The following DIAPH2 variants were observed in gnomAD, a reference collection of about 807,000 sequenced individuals.
DIAPH2 encodes the protein protein diaphanous homolog 2.
In DIAPH2, 35 loss-of-function variants were observed where a neutral mutation model predicts 92.7. The observed-to-expected ratio is 0.38, with a 90% CI of 0.29 to 0.50. The LOEUF is 0.50. DIAPH2 is among the 20% of genes least tolerant of loss of function. The probability of loss-of-function intolerance (pLI) is 0.94; values close to 1 mark genes in which losing one functional copy is unlikely to be tolerated. For missense variants in DIAPH2, 701 were observed against 819.5 expected (o/e 0.86, Z 1.77); for synonymous variants, 301 against 280.4 (o/e 1.07, Z -0.73).
intron 5 of DIAPH2, chrX:96,885,203 T>A: frequency 1.5e-6 from 1 of 649,386 alleles, no homozygotes; most frequent in Non-Finnish European, 2.3e-6. Flanking sequence ...AAATCTCAAG[T>A]GGCATTCTTT....
intron 25 of DIAPH2, among the ~76,000 whole-genome samples, chrX:97,401,306 G>T (rs2069754830): frequency 9.1e-6 from 1 of 110,439 alleles, no homozygotes; most frequent in Admixed American, 9.7e-5. Context: ...CATCACTTTA[G>T]CTGATTCTCT....
At chrX:97,170,734 AAACT>A (rs1261423834) in intron 22 of DIAPH2, among the ~76,000 whole-genome samples, 1 of 111,999 alleles carries the variant, frequency 8.9e-6, no homozygotes, top group Non-Finnish European at 1.9e-5. Context: ...ATGGTCCAAA[AAACT>A]AACTATAACC....
intron 23 of DIAPH2, among the ~76,000 whole-genome samples, chrX:97,343,704 AAAAAG>A (rs1225902610): frequency 1.8e-5 from 2 of 109,355 alleles, no homozygotes; most frequent in Admixed American, 1.9e-4. Flanking sequence ...AGCAAAAAAA[AAAAAG>A]AAAGAAAGAA....
chrX:96,858,321 A>G (rs896632123), intron 4 of DIAPH2, among the ~76,000 whole-genome samples: 3 of 112,078 alleles, frequency 2.7e-5, no homozygotes, highest in African/African-American at 6.5e-5. Context: ...ATTGACAACC[A>G]TGAGTCAGAA....
At chrX:97,406,796 T>G (rs1340273245) in intron 25 of DIAPH2, among the ~76,000 whole-genome samples, 1 of 111,486 alleles carries the variant, frequency 9.0e-6, no homozygotes, top group Admixed American at 9.6e-5. Flanking sequence ...ATGCAAAGAT[T>G]TCACTGATGA....
chrX:96,797,267 G>T (rs1350622962), intron 4 of DIAPH2, among the ~76,000 whole-genome samples: 1 of 110,479 alleles, frequency 9.1e-6, no homozygotes, highest in Non-Finnish European at 1.9e-5. Context: ...GATCACCGGG[G>T]GTCAGGAATT....
chrX:97,056,283 C>T (rs2066556312), intron 17 of DIAPH2, among the ~76,000 whole-genome samples: 1 of 111,397 alleles, frequency 9.0e-6, no homozygotes, highest in African/African-American at 3.3e-5. Flanking sequence ...CAAGAGTTAA[C>T]TCATTCCTAA....
intron 17 of DIAPH2, among the ~76,000 whole-genome samples, chrX:97,050,830 T>C (rs2066515494): frequency 8.9e-6 from 1 of 111,977 alleles, no homozygotes; most frequent in Admixed American, 9.4e-5. Flanking sequence ...TATCTATACA[T>C]TCATTACTTT....
rs1170904516 is a variant in DIAPH2, at chrX:97,603,117, C to A, written c.*3800C>A. On this transcript the variant is annotated 3_prime_UTR_variant, in exon 27 of 27. Coordinates refer to ENST00000324765, the MANE Select transcript of DIAPH2 (RefSeq NM_006729.5). ...GGGCTTATCTACAGAGCACACTTTT[C>A]TAACAGTGAATCTCCTAATTTTAGC... 2 of 99,660 alleles carry A rather than the reference C, an allele frequency of 2.0e-5. No individual in the cohort carries two copies. Among genetic ancestry groups the A allele is most frequent in the African/African-American group, 7.3e-5 (2 of 27,258 alleles). The allele number at this position is 99,660 out of a possible 1,213,427, so 8.2% of individuals were successfully genotyped here.
chrX:97,182,810 T>A (rs1412771479), intron 22 of DIAPH2, among the ~76,000 whole-genome samples: 1 of 111,161 alleles, frequency 9.0e-6, no homozygotes, highest in Non-Finnish European at 1.9e-5. Flanking sequence ...AAGTATACAT[T>A]GAGTATATAG....
At chrX:96,828,166 T>G (rs2064827672) in intron 4 of DIAPH2, among the ~76,000 whole-genome samples, 1 of 112,116 alleles carries the variant, frequency 8.9e-6, no homozygotes, top group Non-Finnish European at 1.9e-5. Flanking sequence ...GACCACATTT[T>G]GAGAGCTGCT....
At chrX:97,054,502 C>G (rs1425386592) in intron 17 of DIAPH2, among the ~76,000 whole-genome samples, 1 of 111,352 alleles carries the variant, frequency 9.0e-6, no homozygotes, top group Non-Finnish European at 1.9e-5. Flanking sequence ...ATAATTAATT[C>G]TGCTTGGAAG....
chrX:96,762,893 CTT>C (rs1337149375), intron 4 of DIAPH2, among the ~76,000 whole-genome samples: 3 of 110,840 alleles, frequency 2.7e-5, no homozygotes, highest in Non-Finnish European at 3.8e-5. Context: ...ATTCTGTAGA[CTT>C]TACACATTTT....
chrX:97,360,349 C>G (rs1357844392), intron 24 of DIAPH2, among the ~76,000 whole-genome samples: 1 of 110,192 alleles, frequency 9.1e-6, no homozygotes, highest in African/African-American at 3.3e-5. Context: ...TGCGGTGGCT[C>G]ACGCCTGTAA....
chrX:96,987,980 G>A (rs2066043281), intron 17 of DIAPH2, among the ~76,000 whole-genome samples: 1 of 110,861 alleles, frequency 9.0e-6, no homozygotes, highest in South Asian at 3.8e-4. Flanking sequence ...TCTTGGAAAT[G>A]TATTTTTTAT....
At chrX:97,325,543 GTTATTTTATTTTATTTTATT>G (rs58975226) in intron 23 of DIAPH2, among the ~76,000 whole-genome samples, 2,390 of 95,036 alleles carry the variant, frequency 0.025, 45 homozygotes, top group Non-Finnish European at 0.039. Flanking sequence ...TCATCTTAAT[GTTATTTTATTTTATTTTATT>G]TTATTTTATT....
intron 16 of DIAPH2, among the ~76,000 whole-genome samples, chrX:96,959,769 A>C (rs922433435): frequency 2.7e-5 from 3 of 111,383 alleles, no homozygotes; most frequent in African/African-American, 9.8e-5. Flanking sequence ...TTAAGTCTTT[A>C]ATCAATGTTG....
chrX:97,095,796 G>A (rs1287534048), intron 19 of DIAPH2, among the ~76,000 whole-genome samples: 3 of 111,965 alleles, frequency 2.7e-5, no homozygotes, highest in Non-Finnish European at 5.6e-5. Context: ...TGGTCTATTC[G>A]TAGAAATTCC....
intron 5 of DIAPH2, among the ~76,000 whole-genome samples, chrX:96,898,889 G>C (rs1216062495): frequency 9.2e-6 from 1 of 108,404 alleles, no homozygotes; most frequent in Non-Finnish European, 1.9e-5. Context: ...AATCCATCTT[G>C]AATTAATTTT....
Sources: allele counts gnomAD v4.1 joint callset (sites outside exome capture counted in the v4.1 genomes callset), GRCh38; gene constraint gnomAD v4.1.1; transcripts MANE v1.5; gene names NCBI Gene and HGNC (gene_info 2026-07-23, HGNC 2026-07-21).